The following ZNF385D variants were observed in gnomAD, a reference collection of about 807,000 sequenced individuals.
The protein encoded by ZNF385D is zinc finger protein 659.
ZNF385D carries 15 observed loss-of-function variants against 35.8 expected under a neutral mutation model. The ratio of observed to expected loss-of-function variants is 0.42; its 90% CI spans 0.28 to 0.64. The LOEUF is 0.64. Ranked by LOEUF, ZNF385D falls within the 30% of genes least tolerant of loss-of-function variation. ZNF385D has a pLI of 0.23. For synonymous variants in ZNF385D, 212 were observed against 186.8 expected, an observed-to-expected ratio of 1.13 and a Z score of -1.10; for missense variants, 474 against 494.6, an observed-to-expected ratio of 0.96 and a Z score of 0.39.
chr3:22,283,316 C>A (rs1021546486), intron 2 of ZNF385D, among the ~76,000 whole-genome samples: 3 of 152,034 alleles, frequency 2.0e-5, no homozygotes, highest in South Asian at 2.1e-4. Context: ...TTAAACTAAA[C>A]CCTAGAACAA....
At chr3:21,528,295 G>A (rs757557136) in intron 3 of ZNF385D, among the ~76,000 whole-genome samples, 6 of 152,086 alleles carry the variant, frequency 3.9e-5, no homozygotes, top group Admixed American at 6.5e-5. Flanking sequence ...TAGCTAGTTC[G>A]TGGGGTGCAA....
intron 2 of ZNF385D, among the ~76,000 whole-genome samples, chr3:22,370,128 G>A (rs1433703468): frequency 6.6e-6 from 1 of 152,100 alleles, no homozygotes; most frequent in African/African-American, 2.4e-5. Context: ...TAAAATAAAA[G>A]GGAAATTTTA....
chr3:22,317,496 C>T (rs990078044), intron 2 of ZNF385D, among the ~76,000 whole-genome samples: 1 of 151,928 alleles, frequency 6.6e-6, no homozygotes, highest in East Asian at 1.9e-4. Flanking sequence ...GGGACTTTAT[C>T]TACGTAATAA....
chr3:21,891,449 G>A (rs938793177), intron 3 of ZNF385D, among the ~76,000 whole-genome samples: 14 of 152,078 alleles, frequency 9.2e-5, no homozygotes, highest in Admixed American at 9.2e-4. Flanking sequence ...TATCCTGTTG[G>A]TTTTCTGAAT....
intron 3 of ZNF385D, among the ~76,000 whole-genome samples, chr3:21,760,693 TACTG>T (rs1334405003): frequency 3.9e-5 from 6 of 152,192 alleles, no homozygotes. Flanking sequence ...TCAAGAGCAG[TACTG>T]ACTAAATATA....
chr3:22,105,199 C>T lies in ZNF385D; in HGVS notation c.325+63618G>A, dbSNP rs149532658. 5.3e-3 allele frequency among the ~76,000 whole-genome samples: 807 copies of T among 151,920 alleles called. 2 individuals are homozygous for T. Among genetic ancestry groups the T allele is most frequent in the South Asian group, 0.013 (61 of 4,802 alleles). Reference sequence around the variant, plus strand: ...GGATATAATCTTCTGTATATCAGAACCATAAAATAGTATCATTAAAATGAT... The same window carrying T: ...GGATATAATCTTCTGTATATCAGAATCATAAAATAGTATCATTAAAATGAT... On this transcript the variant is annotated intron_variant, in intron 3 of 5. Coordinates refer to the ZNF385D transcript ENST00000494108.
chr3:22,105,584 G>A (rs1370318260), intron 3 of ZNF385D, among the ~76,000 whole-genome samples: 2 of 152,116 alleles, frequency 1.3e-5, no homozygotes, highest in African/African-American at 4.8e-5. Flanking sequence ...CCAGAGAGCT[G>A]ATGGTGTAGA....
chr3:21,975,197 A>G (rs1703518891), intron 3 of ZNF385D, among the ~76,000 whole-genome samples: 1 of 152,160 alleles, frequency 6.6e-6, no homozygotes, highest in Non-Finnish European at 1.5e-5. Context: ...GATAAGGAAA[A>G]TGTACATATA....
At chr3:21,826,097 C>T (rs1440654843) in intron 3 of ZNF385D, among the ~76,000 whole-genome samples, 9 of 152,146 alleles carry the variant, frequency 5.9e-5, no homozygotes, top group African/African-American at 1.4e-4. Context: ...GTGCCAAAAA[C>T]GTTGGGGACG....
chr3:22,316,896 T>C (rs745953418), intron 2 of ZNF385D, among the ~76,000 whole-genome samples: 2 of 152,156 alleles, frequency 1.3e-5, no homozygotes, highest in African/African-American at 2.4e-5. Flanking sequence ...CTCTCTAACC[T>C]TGTCTTGCCT....
intron 2 of ZNF385D, among the ~76,000 whole-genome samples, chr3:21,624,978 T>G (rs1353705513): frequency 6.6e-6 from 1 of 151,990 alleles, no homozygotes; most frequent in African/African-American, 2.4e-5. Flanking sequence ...AAATTGAACT[T>G]CGTAAGCATT....
At chr3:21,883,508 T>C (rs1052442803) in intron 3 of ZNF385D, among the ~76,000 whole-genome samples, 1 of 152,016 alleles carries the variant, frequency 6.6e-6, no homozygotes, top group Non-Finnish European at 1.5e-5. Context: ...ACATTTGTTA[T>C]CATGTGAATC....
At chr3:22,225,161 T>A (rs1698478849) in intron 2 of ZNF385D, among the ~76,000 whole-genome samples, 2 of 152,298 alleles carry the variant, frequency 1.3e-5, no homozygotes, top group South Asian at 2.1e-4. Flanking sequence ...CTTCCCTTCT[T>A]ATATTCAAAA....
chr3:21,618,408 G>A (rs575275053), intron 2 of ZNF385D, among the ~76,000 whole-genome samples: 2 of 152,304 alleles, frequency 1.3e-5, no homozygotes, highest in East Asian at 1.9e-4. Flanking sequence ...CCTTCAGAAG[G>A]AGCCAGTCTT....
chr3:22,187,775 T>C (rs188551591), intron 2 of ZNF385D, among the ~76,000 whole-genome samples: 2 of 152,306 alleles, frequency 1.3e-5, no homozygotes, highest in Non-Finnish European at 2.9e-5. Flanking sequence ...CGTATGTTTA[T>C]TCGGACAGCG....
At chr3:22,138,232 C>G (rs904793504) in intron 3 of ZNF385D, among the ~76,000 whole-genome samples, 4 of 152,112 alleles carry the variant, frequency 2.6e-5, no homozygotes, top group African/African-American at 9.7e-5. Context: ...ATGAAAATGG[C>G]CATACTGCCC....
chr3:21,451,407 T>C (rs147969248), intron 4 of ZNF385D, among the ~76,000 whole-genome samples: 12 of 152,244 alleles, frequency 7.9e-5, no homozygotes, highest in Admixed American at 5.9e-4. Context: ...CTTAAAATGA[T>C]AGATTACGCA....
At chr3:22,050,047 G>C (rs1350085588) in intron 3 of ZNF385D, among the ~76,000 whole-genome samples, 1 of 152,136 alleles carries the variant, frequency 6.6e-6, no homozygotes, top group Non-Finnish European at 1.5e-5. Context: ...GGAGCAGTTT[G>C]AGAAGGATTG....
chr3:21,461,470 C>G (rs1032611074), intron 4 of ZNF385D, among the ~76,000 whole-genome samples: 1 of 152,072 alleles, frequency 6.6e-6, no homozygotes, highest in Non-Finnish European at 1.5e-5. Flanking sequence ...ATCGTTTGAA[C>G]CCAGGAGGCA....
Sources: gnomAD v4.1 joint callset for allele counts (sites outside exome capture counted in the v4.1 genomes callset) on GRCh38, gnomAD v4.1.1 for gene constraint, MANE v1.5 for transcripts, NCBI Gene and HGNC (gene_info 2026-07-23, HGNC 2026-07-21) for gene names.